Variants in LAMA2 observed in about 807,000 individuals in gnomAD.
LAMA2 encodes laminin subunit alpha 2.
A neutral mutation model predicts 364.8 loss-of-function variants in LAMA2; 269 were observed. The ratio of observed to expected loss-of-function variants is 0.74; its 90% CI spans 0.67 to 0.82. The LOEUF is 0.82. Among genes scored for constraint, LAMA2 ranks in the 40% least tolerant of loss-of-function variants. The pLI is 0.00. For missense variants in LAMA2, 3,807 were observed against 3,873.2 expected (o/e 0.98, Z 0.45); for synonymous variants, 1,379 against 1,370.6 (o/e 1.01, Z -0.14).
chr6:129,218,507 A>G (rs964920939), intron 12 of LAMA2, among the ~76,000 whole-genome samples: 1 of 152,162 alleles, frequency 6.6e-6, no homozygotes, highest in African/African-American at 2.4e-5. Context: ...GATGTGAACT[A>G]CCTCTACAAT....
intron 51 of LAMA2, among the ~76,000 whole-genome samples, chr6:129,469,528 T>A (rs1029191782): frequency 1.3e-5 from 2 of 151,716 alleles, no homozygotes; most frequent in African/African-American, 4.8e-5. Context: ...TTGGAAGAGG[T>A]TGGCCATTTC....
At chr6:129,390,158 A>G (rs1293137667) in intron 35 of LAMA2, among the ~76,000 whole-genome samples, 1 of 152,214 alleles carries the variant, frequency 6.6e-6, no homozygotes, top group Admixed American at 6.5e-5. Context: ...CTACTATCCC[A>G]GTGTTTCTCA....
chr6:129,204,821 A>G (rs1246551017), intron 12 of LAMA2, among the ~76,000 whole-genome samples: 2 of 152,234 alleles, frequency 1.3e-5, no homozygotes, highest in African/African-American at 2.4e-5. Context: ...TCTCTAATGT[A>G]TAAAGAAGTT....
intron 22 of LAMA2, among the ~76,000 whole-genome samples, chr6:129,302,951 T>C (rs1773637814): frequency 6.6e-6 from 1 of 152,144 alleles, no homozygotes; most frequent in South Asian, 2.1e-4. Context: ...CCTTTACATT[T>C]CCACATAACT....
intron 12 of LAMA2, among the ~76,000 whole-genome samples, chr6:129,218,856 C>G (rs1008544227): frequency 2.6e-5 from 4 of 152,064 alleles, no homozygotes; most frequent in African/African-American, 9.7e-5. Context: ...ATACTGTAAT[C>G]ATTTTGATCA....
At chr6:129,459,072 G>A (rs912028350) in intron 48 of LAMA2, among the ~76,000 whole-genome samples, 1 of 151,814 alleles carries the variant, frequency 6.6e-6, no homozygotes, top group Non-Finnish European at 1.5e-5. Context: ...TCCTCAATGT[G>A]CAAACATCAT....
chr6:129,371,649 G>A (rs1386771385), intron 34 of LAMA2, among the ~76,000 whole-genome samples: 3 of 143,020 alleles, frequency 2.1e-5, no homozygotes, highest in East Asian at 2.1e-4. Context: ...CTCTGTCGCC[G>A]AGGCTGGAGT....
intron 53 of LAMA2, 107 bp downstream of exon 53, chr6:129,475,508 G>T: frequency 1.3e-6 from 1 of 760,746 alleles, no homozygotes; most frequent in Non-Finnish European, 2.2e-6. Flanking sequence ...GTACAGCTTT[G>T]TTCATAGTAT....
At chr6:129,263,533 C>A (rs1787284410) in intron 15 of LAMA2, among the ~76,000 whole-genome samples, 1 of 152,034 alleles carries the variant, frequency 6.6e-6, no homozygotes, top group Admixed American at 6.6e-5. Context: ...ATCGTGGAGT[C>A]TGTAAGGACT....
At chr6:129,201,565 C>T (rs1198569272) in intron 12 of LAMA2, among the ~76,000 whole-genome samples, 5 of 152,184 alleles carry the variant, frequency 3.3e-5, no homozygotes, top group African/African-American at 7.2e-5. Flanking sequence ...TAGCTCCAAA[C>T]TACAAGCTAC....
chr6:129,297,091 A>C (rs1773232516), intron 20 of LAMA2, among the ~76,000 whole-genome samples: 1 of 152,216 alleles, frequency 6.6e-6, no homozygotes, highest in Non-Finnish European at 1.5e-5. Context: ...AAACCTAAGA[A>C]ATCAAATGTT....
At chr6:129,286,554 AAT>A (rs1433503668) in intron 18 of LAMA2, among the ~76,000 whole-genome samples, 5 of 32,054 alleles carry the variant, frequency 1.6e-4, no homozygotes, top group Non-Finnish European at 2.7e-4. Flanking sequence ...ATATTATATA[AAT>A]AGTTTTATAT....
intron 12 of LAMA2, among the ~76,000 whole-genome samples, chr6:129,208,629 A>G (rs1413529273): frequency 8.2e-6 from 1 of 122,396 alleles, no homozygotes; most frequent in Non-Finnish European, 1.6e-5. Flanking sequence ...GAAAGAAAGA[A>G]AGAAGAAAGA....
chr6:129,493,492 T>C (rs1477148622), intron 58 of LAMA2, among the ~76,000 whole-genome samples: 5 of 152,198 alleles, frequency 3.3e-5, no homozygotes, highest in Non-Finnish European at 7.3e-5. Flanking sequence ...CCATAGACTA[T>C]TTCTGTTTCC....
chr6:129,305,325 CT>C (rs200290155), intron 22 of LAMA2, among the ~76,000 whole-genome samples: 198 of 144,874 alleles, frequency 1.4e-3, no homozygotes, highest in Middle Eastern at 3.6e-3. Context: ...TAATGTGTGC[CT>C]TTTTTTTTTT....
At chr6:129,353,700 G>C (rs913031024) in intron 32 of LAMA2, among the ~76,000 whole-genome samples, 5 of 152,162 alleles carry the variant, frequency 3.3e-5, no homozygotes, top group African/African-American at 7.2e-5. Flanking sequence ...GATTAAAGAT[G>C]TGAGTGTATT....
chr6:129,103,733 A>G (rs1583047892), intron 4 of LAMA2, among the ~76,000 whole-genome samples: 1 of 152,134 alleles, frequency 6.6e-6, no homozygotes, highest in Middle Eastern at 3.4e-3. Flanking sequence ...TTATTAATAT[A>G]TGCATATTTT....
intron 40 of LAMA2, among the ~76,000 whole-genome samples, chr6:129,424,173 C>CA (rs993044110): frequency 2.0e-5 from 3 of 151,308 alleles, no homozygotes; most frequent in Admixed American, 1.3e-4. Context: ...TGAACAACAA[C>CA]AAAAAAAATG....
chr6:129,129,837 T>G (rs1382801747), intron 4 of LAMA2, among the ~76,000 whole-genome samples: 2 of 140,406 alleles, frequency 1.4e-5, no homozygotes, highest in Non-Finnish European at 3.0e-5. Context: ...GGCAGGAGAA[T>G]GGCGTGAACC....
Sources: allele counts gnomAD v4.1 joint callset (sites outside exome capture counted in the v4.1 genomes callset), GRCh38; gene constraint gnomAD v4.1.1; transcripts MANE v1.5; gene names NCBI Gene and HGNC (gene_info 2026-07-23, HGNC 2026-07-21).